Variants in SLC35F3 observed in about 807,000 individuals in gnomAD.
SLC35F3 encodes the protein putative thiamine transporter SLC35F3.
SLC35F3 carries 25 observed loss-of-function variants against 49.9 expected under a neutral mutation model. That is an observed-to-expected ratio of 0.50 (90% CI 0.37 to 0.70). SLC35F3 has a LOEUF of 0.70. Ranked by LOEUF, SLC35F3 falls within the 30% of genes least tolerant of loss-of-function variation. The probability of loss-of-function intolerance (pLI) is 0.00; values close to 1 mark genes in which losing one functional copy is unlikely to be tolerated. For synonymous variants in SLC35F3, 275 were observed against 265.4 expected (o/e 1.04, Z -0.35); for missense variants, 525 against 639.8 (o/e 0.82, Z 1.94).
At chr1:234,217,883 G>A (rs1360099879) in intron 2 of SLC35F3, among the ~76,000 whole-genome samples, 6 of 152,098 alleles carry the variant, frequency 3.9e-5, no homozygotes. Flanking sequence ...ATTCTAAGGA[G>A]GGGGCCTTCC....
intron 3 of SLC35F3, 94 bp from the exon 4 acceptor site, chr1:234,309,007 T>C: frequency 4.8e-6 from 4 of 828,730 alleles, no homozygotes; most frequent in Non-Finnish European, 7.2e-6. Flanking sequence ...CCCCTTCCTA[T>C]ATTTGCTTAA....
At chr1:234,110,096 A>T (rs1399735199) in intron 2 of SLC35F3, among the ~76,000 whole-genome samples, 1 of 128,432 alleles carries the variant, frequency 7.8e-6, no homozygotes, top group Non-Finnish European at 1.7e-5. Context: ...AAGACCCTGG[A>T]GCTCAAGCTA....
intron 2 of SLC35F3, among the ~76,000 whole-genome samples, chr1:234,163,765 C>G (rs1022951448): frequency 3.3e-5 from 5 of 152,218 alleles, no homozygotes; most frequent in Non-Finnish European, 7.3e-5. Context: ...CTCTTTCTCT[C>G]TCTCCAGAGC....
At chr1:234,034,801 G>T (rs921278156) in intron 2 of SLC35F3, among the ~76,000 whole-genome samples, 2 of 152,174 alleles carry the variant, frequency 1.3e-5, no homozygotes, top group African/African-American at 2.4e-5. Context: ...GGGATTATAG[G>T]CATGAGCCAC....
chr1:234,267,517 C>A (rs1312442812), intron 3 of SLC35F3, among the ~76,000 whole-genome samples: 1 of 148,314 alleles, frequency 6.7e-6, no homozygotes, highest in African/African-American at 2.5e-5. Flanking sequence ...GCTGACCCCC[C>A]CACCTCCCTC....
chr1:234,276,404 C>T (rs755710769), intron 3 of SLC35F3, among the ~76,000 whole-genome samples: 8 of 152,148 alleles, frequency 5.3e-5, no homozygotes, highest in African/African-American at 1.7e-4. Flanking sequence ...CACGCAAGGT[C>T]GTGTAGCAGA....
At chr1:234,265,883 A>G (rs977632478) in intron 3 of SLC35F3, among the ~76,000 whole-genome samples, 7 of 152,010 alleles carry the variant, frequency 4.6e-5, no homozygotes, top group African/African-American at 7.2e-5. Flanking sequence ...GCCTTTCCTC[A>G]GGTCCCCTGC....
intron 2 of SLC35F3, among the ~76,000 whole-genome samples, chr1:234,226,433 G>T (rs1365380956): frequency 6.6e-6 from 1 of 151,784 alleles, no homozygotes; most frequent in Non-Finnish European, 1.5e-5. Context: ...TCTCGGGGAA[G>T]CTCATAAAAG....
chr1:233,988,077 T>C (rs1051154797), intron 2 of SLC35F3, among the ~76,000 whole-genome samples: 10 of 152,224 alleles, frequency 6.6e-5, no homozygotes, highest in African/African-American at 2.4e-4. Flanking sequence ...TGATTTTTAC[T>C]GTTCATTCAT....
intron 2 of SLC35F3, among the ~76,000 whole-genome samples, chr1:233,910,547 G>A (rs542109071): frequency 5.9e-5 from 9 of 152,310 alleles, no homozygotes; most frequent in African/African-American, 1.4e-4. Context: ...GTGTGCCTTC[G>A]TCTAGAAATA....
intron 3 of SLC35F3, among the ~76,000 whole-genome samples, chr1:234,307,847 C>T (rs897701716): frequency 6.6e-6 from 1 of 152,224 alleles, no homozygotes; most frequent in South Asian, 2.1e-4. Flanking sequence ...CTCATCGGGC[C>T]CAACCCAGCA....
chr1:233,951,927 T>A (rs2102805470), intron 2 of SLC35F3, among the ~76,000 whole-genome samples: 1 of 151,812 alleles, frequency 6.6e-6, no homozygotes, highest in Middle Eastern at 3.4e-3. Context: ...GTTCATTATT[T>A]GAGTTTCTGT....
rs867743440 is a variant in SLC35F3 at position 233,913,167 on chromosome 1, G to A, written c.283+7409G>A. 1.6e-4 allele frequency among the ~76,000 whole-genome samples: 24 copies of A among 152,220 alleles called. No individual in the cohort carries two copies. In the Middle Eastern group the frequency reaches 0.01, roughly 65 times the overall value. On this transcript the variant is annotated intron_variant, in intron 2 of 7. Coordinates refer to ENST00000366618, the MANE Select transcript of SLC35F3 (RefSeq NM_173508.4). ...TCATTCACAACAGAAATAGAGGGGA[G>A]GTTTGCATTCCAAGCAAAGGGACAA...
chr1:234,185,766 C>G (rs1666634334), intron 2 of SLC35F3, among the ~76,000 whole-genome samples: 1 of 152,234 alleles, frequency 6.6e-6, no homozygotes, highest in Admixed American at 6.5e-5. Context: ...TACCATTCAT[C>G]ACATCACCAT....
At chr1:234,122,294 C>T (rs939724809) in intron 2 of SLC35F3, among the ~76,000 whole-genome samples, 1 of 152,180 alleles carries the variant, frequency 6.6e-6, no homozygotes, top group Non-Finnish European at 1.5e-5. Flanking sequence ...AAAACTTTGA[C>T]GTCTGACCAG....
At chr1:233,937,739 GCT>G (rs1662357374) in intron 2 of SLC35F3, among the ~76,000 whole-genome samples, 1 of 152,202 alleles carries the variant, frequency 6.6e-6, no homozygotes. Flanking sequence ...GGAAGCTAAT[GCT>G]ATAATTTAGC....
At chr1:233,986,583 A>G (rs1371065584) in intron 2 of SLC35F3, among the ~76,000 whole-genome samples, 1 of 152,174 alleles carries the variant, frequency 6.6e-6, no homozygotes, top group Non-Finnish European at 1.5e-5. Context: ...GTTTATGTGT[A>G]TCTGTTTGAG....
In SLC35F3 at chr1:234,044,790, C is replaced by T. The variant is rs149135072; in HGVS notation, c.283+139032C>T. Among the ~76,000 whole-genome samples the T allele has an allele frequency of 2.1e-3, 317 of 152,268 alleles. No homozygotes were observed. The Middle Eastern group carries it at 0.027, about 13-fold the overall frequency. On this transcript the variant is annotated intron_variant, in intron 2 of 7. Transcript: ENST00000366618. The stretch of plus-strand genomic sequence containing the variant: ...GTTATTTATCATAAATATGTCACAG[C>T]TCTTCGTAAGTTCTGATTTCCAATC...
At chr1:234,037,483 A>G (rs140965127) in intron 2 of SLC35F3, among the ~76,000 whole-genome samples, 15 of 152,338 alleles carry the variant, frequency 9.8e-5, no homozygotes, top group African/African-American at 3.6e-4. Flanking sequence ...CTATATCACT[A>G]TTCTGTTCAC....
Sources: allele counts gnomAD v4.1 joint callset (sites outside exome capture counted in the v4.1 genomes callset), GRCh38; gene constraint gnomAD v4.1.1; transcripts MANE v1.5; gene names NCBI Gene and HGNC (gene_info 2026-07-23, HGNC 2026-07-21).